The following DGKB variants were observed in gnomAD, a reference collection of about 807,000 sequenced individuals.
DGKB encodes 90 kDa diacylglycerol kinase.
Under a neutral mutation model 114.3 loss-of-function variants are expected in DGKB, and 67 were observed. The ratio of observed to expected loss-of-function variants is 0.59; its 90% CI spans 0.48 to 0.72. The LOEUF is 0.72. DGKB is among the 30% of genes least tolerant of loss of function. DGKB has a pLI of 0.00. For missense variants in DGKB, 907 were observed against 975.2 expected, an observed-to-expected ratio of 0.93 and a Z score of 0.93; for synonymous variants, 398 against 323.1, an observed-to-expected ratio of 1.23 and a Z score of -2.49.
chr7:14,878,755 C>CAAAAA, intron 1 of DGKB, among the ~76,000 whole-genome samples: 1 of 113,268 alleles, frequency 8.8e-6, no homozygotes, highest in Middle Eastern at 4.8e-3. Flanking sequence ...TCTCAAAAAA[C>CAAAAA]AAAAAAAAAA....
chr7:14,947,318 G>T (rs1334817571), intron 1 of DGKB, among the ~76,000 whole-genome samples: 1 of 151,580 alleles, frequency 6.6e-6, no homozygotes, highest in East Asian at 1.9e-4. Flanking sequence ...ATATAGAAAT[G>T]GAAAAACAAA....
At chr7:14,524,242 C>T (rs1790266256) in intron 20 of DGKB, among the ~76,000 whole-genome samples, 1 of 152,140 alleles carries the variant, frequency 6.6e-6, no homozygotes. Context: ...AAATCTACTG[C>T]TCCTGGAAAA....
At chr7:14,798,705 C>T (rs969015828) in intron 2 of DGKB, among the ~76,000 whole-genome samples, 4 of 152,174 alleles carry the variant, frequency 2.6e-5, no homozygotes, top group African/African-American at 7.2e-5. Flanking sequence ...CCAGTTATAA[C>T]AGGACTTATG....
chr7:14,399,395 A>G (rs1822745564), intron 21 of DGKB, among the ~76,000 whole-genome samples: 2 of 151,764 alleles, frequency 1.3e-5, no homozygotes, highest in African/African-American at 4.8e-5. Context: ...TTAATGCCCT[A>G]AAACCTAAAT....
intron 5 of DGKB, among the ~76,000 whole-genome samples, chr7:14,732,936 G>C (rs924517388): frequency 1.3e-5 from 2 of 152,096 alleles, no homozygotes; most frequent in African/African-American, 4.8e-5. Flanking sequence ...TATTTAGACA[G>C]ACAACATTAT....
In DGKB at chr7:14,147,059, T is replaced by C. The variant is rs1162923951; in HGVS notation, c.*2072A>G. 3.3e-5 allele frequency: 5 copies of C among 152,282 alleles called. No individual in the cohort carries two copies. The highest frequency in any genetic ancestry group is 5.9e-5 in the Non-Finnish European group (4 of 67,982). 9.4% of individuals were successfully genotyped at this position (152,282 alleles called of 1,614,324 possible). ...ATATGTTTTTGACACAAAGCCTGCC[T>C]GCCCATTGTAGAAAATTTTGTCAAT... On this transcript the variant is annotated 3_prime_UTR_variant, in exon 26 of 26. Transcript: ENST00000402815.
chr7:14,475,152 C>A (rs1174168687), intron 21 of DGKB, among the ~76,000 whole-genome samples: 5 of 151,966 alleles, frequency 3.3e-5, no homozygotes, highest in Non-Finnish European at 7.4e-5. Context: ...TCAAGGTGAG[C>A]ATGCTAGAGG....
intron 21 of DGKB, among the ~76,000 whole-genome samples, chr7:14,397,016 G>T (rs150907708): frequency 4.6e-5 from 7 of 151,942 alleles, no homozygotes; most frequent in Admixed American, 2.0e-4. Context: ...AAATTATTCC[G>T]GTCAATAAGT....
chr7:14,799,601 T>G (rs1841871294), intron 2 of DGKB, among the ~76,000 whole-genome samples: 1 of 152,200 alleles, frequency 6.6e-6, no homozygotes. Flanking sequence ...TTGTTGCATT[T>G]GGCTCTCCCT....
At chr7:14,524,481 C>T (rs62443503) in intron 20 of DGKB, among the ~76,000 whole-genome samples, 2,359 of 152,260 alleles carry the variant, frequency 0.015, 33 homozygotes, top group African/African-American at 0.037. Context: ...TCAGGCCAGG[C>T]GCAGTGGCTC....
At chr7:14,591,980 C>T (rs778624456) in intron 17 of DGKB, among the ~76,000 whole-genome samples, 14 of 151,662 alleles carry the variant, frequency 9.2e-5, no homozygotes, top group East Asian at 1.9e-4. Flanking sequence ...AACATCAATA[C>T]GTAAATATTA....
chr7:14,221,011 G>A (rs972164409), intron 23 of DGKB, among the ~76,000 whole-genome samples: 1 of 150,686 alleles, frequency 6.6e-6, no homozygotes, highest in South Asian at 2.1e-4. Flanking sequence ...CCTACCTATT[G>A]ATCTTGTGAC....
At position 14,616,960 on chromosome 7, in the gene DGKB, C is replaced by T. The variant is rs567124676; in HGVS notation, c.1285-3547G>A. On this transcript the variant is annotated intron_variant, in intron 15 of 25. Transcript: ENST00000402815. Reference sequence around the variant, plus strand: ...AGGAGACTGTTCACACTGGATTCTCCACCATACTGAATAGAATTCATCATG... The same window carrying T: ...AGGAGACTGTTCACACTGGATTCTCTACCATACTGAATAGAATTCATCATG... Among the ~76,000 whole-genome samples, 3 of 151,870 alleles carry T rather than the reference C, an allele frequency of 2.0e-5. No individual in the cohort carries two copies. The South Asian group carries it at 6.2e-4, about 31-fold the overall frequency.
chr7:14,194,252 A>C (rs952840718), intron 23 of DGKB, among the ~76,000 whole-genome samples: 1 of 152,202 alleles, frequency 6.6e-6, no homozygotes, highest in African/African-American at 2.4e-5. Context: ...CTGTACTCTC[A>C]ACTTCTGTAG....
chr7:14,950,480 T>G (rs1029770043), intron 1 of DGKB, among the ~76,000 whole-genome samples: 1 of 151,920 alleles, frequency 6.6e-6, no homozygotes, highest in African/African-American at 2.4e-5. Flanking sequence ...ACTTTTTTAT[T>G]TATAATGATC....
chr7:14,808,452 G>A (rs892195803), intron 2 of DGKB, among the ~76,000 whole-genome samples: 2 of 151,852 alleles, frequency 1.3e-5, no homozygotes, highest in Non-Finnish European at 1.5e-5. Context: ...CTATAACTAC[G>A]AAGAGTCCAA....
intron 8 of DGKB, among the ~76,000 whole-genome samples, chr7:14,696,664 G>T (rs1300425517): frequency 6.6e-6 from 1 of 152,116 alleles, no homozygotes; most frequent in Non-Finnish European, 1.5e-5. Context: ...CGATTACAAG[G>T]GCAACAGAAA....
At chr7:14,382,683 A>G (rs1485160352) in intron 21 of DGKB, among the ~76,000 whole-genome samples, 4 of 152,218 alleles carry the variant, frequency 2.6e-5, no homozygotes, top group Non-Finnish European at 5.9e-5. Flanking sequence ...AGAGAGAAGT[A>G]TTTATGATAT....
intron 5 of DGKB, among the ~76,000 whole-genome samples, chr7:14,734,201 AT>A (rs34935074): frequency 0.64 from 96,315 of 149,628 alleles, 34,465 homozygotes; most frequent in Non-Finnish European, 0.81. Context: ...TGCCCGGCTA[AT>A]TTTTTTTTTT....
Sources: gnomAD v4.1 joint callset for allele counts (sites outside exome capture counted in the v4.1 genomes callset) on GRCh38, gnomAD v4.1.1 for gene constraint, MANE v1.5 for transcripts, NCBI Gene and HGNC (gene_info 2026-07-23, HGNC 2026-07-21) for gene names.